ZNF254: variants seen among roughly 807,000 people sequenced by gnomAD.
ZNF254 encodes CTD-2017D11.1.
In ZNF254, 10 loss-of-function variants were observed where a neutral mutation model predicts 12.4. That is an observed-to-expected ratio of 0.80 (90% CI 0.50 to 1.36). The LOEUF is 1.36. ZNF254 is among the 40% of genes most tolerant of loss of function. The pLI is 0.00. For missense variants in ZNF254, 996 were observed against 763.9 expected (o/e 1.30, Z -3.58); for synonymous variants, 305 against 253.4 (o/e 1.20, Z -1.93).
rs765508391 is a variant in ZNF254 at position 24,127,354 on chromosome 19, CAT to C, written c.1356_1357del (p.His452GlnfsTer6). ...TATCTGGTCCTCAACCCTTACTAAA[CAT>C]AAGAGAATTCATACTAGAGAGAAAC... ...AFIWSSTLTK[H>X]KRIHTREKPY... On this transcript the variant is annotated frameshift_variant, in exon 4 of 4. Coordinates refer to ENST00000357002, the MANE Select transcript of ZNF254 (RefSeq NM_203282.4). LOFTEE classifies it low-confidence loss of function (END_TRUNC). 2 of 1,613,550 alleles carry C rather than the reference CAT, an allele frequency of 1.2e-6. No individual in the cohort carries two copies. The highest frequency in any genetic ancestry group is 2.2e-5 in the South Asian group (2 of 91,068).
At chr19:24,079,189 A>G (rs1415095621) in intron 2 of ZNF254, 1 of 152,212 alleles carries the variant, frequency 6.6e-6, no homozygotes, top group East Asian at 1.9e-4. Context: ...TGAGAGAAAT[A>G]GAAGAAAAAG....
chr19:24,046,571 C>A (rs1410171442), intron 2 of ZNF254, among the ~76,000 whole-genome samples: 1 of 151,782 alleles, frequency 6.6e-6, no homozygotes, highest in Non-Finnish European at 1.5e-5. Flanking sequence ...GCCATACACA[C>A]AATTCAAAAT....
At chr19:24,084,125 T>C (rs1971943145), upstream of ZNF254, among the ~76,000 whole-genome samples, 1 of 148,620 alleles carries the variant, frequency 6.7e-6, no homozygotes, top group South Asian at 2.1e-4. Flanking sequence ...AAGGAAAATG[T>C]GGCATATACC....
intron 1 of ZNF254, among the ~76,000 whole-genome samples, chr19:24,087,655 G>A (rs1040958472): frequency 4.6e-5 from 7 of 152,244 alleles, no homozygotes; most frequent in Non-Finnish European, 1.0e-4. Context: ...CTCGGGTTGC[G>A]GGTTCATGAA....
At chr19:24,072,250 C>G (rs1034050763) in intron 2 of ZNF254, among the ~76,000 whole-genome samples, 2 of 151,900 alleles carry the variant, frequency 1.3e-5, no homozygotes, top group Admixed American at 6.6e-5. Context: ...CGGCTCACTG[C>G]AACAGCCACC....
intron 1 of ZNF254, among the ~76,000 whole-genome samples, chr19:24,095,121 G>A (rs1300707520): frequency 2.0e-5 from 3 of 152,180 alleles, no homozygotes; most frequent in Admixed American, 6.5e-5. Context: ...TTTATCAAAA[G>A]CTTTTTCTGC....
chr19:24,093,738 G>C (rs536369606), intron 1 of ZNF254, among the ~76,000 whole-genome samples: 2 of 151,996 alleles, frequency 1.3e-5, no homozygotes, highest in South Asian at 4.2e-4. Context: ...CAGCTTTGCT[G>C]TTTTTGCTTG....
At chr19:24,038,797 C>T (rs1012325353) in intron 1 of ZNF254, among the ~76,000 whole-genome samples, 5 of 152,154 alleles carry the variant, frequency 3.3e-5, no homozygotes, top group South Asian at 2.1e-4. Flanking sequence ...CAGATTTCTA[C>T]GAAAATTACT....
chr19:24,055,045 T>A (rs112892589), intron 2 of ZNF254, among the ~76,000 whole-genome samples: 22,244 of 150,588 alleles, frequency 0.15, 1,873 homozygotes, highest in Middle Eastern at 0.23. Flanking sequence ...TACTAAAAAA[T>A]ACAAAAAATT....
intron 3 of ZNF254, among the ~76,000 whole-genome samples, chr19:24,117,986 T>TA (rs1974217287): frequency 6.6e-6 from 1 of 152,056 alleles, no homozygotes; most frequent in Non-Finnish European, 1.5e-5. Flanking sequence ...AGTACATTTA[T>TA]AACATAATAA....
intron 2 of ZNF254, among the ~76,000 whole-genome samples, chr19:24,062,127 T>G (rs1367707534): frequency 6.7e-6 from 1 of 150,136 alleles, no homozygotes; most frequent in Non-Finnish European, 1.5e-5. Context: ...AGTAAAATCC[T>G]GGTGGTCTCT....
rs1972077228 is a variant in ZNF254, at chr19:24,087,236, T to A, written c.-72T>A. 6.2e-7 allele frequency: 1 copy of A among 1,603,956 alleles called. No individual in the cohort carries two copies. The highest frequency in any genetic ancestry group is 1.3e-5 in the African/African-American group (1 of 74,812). On this transcript the variant is annotated 5_prime_UTR_variant, in exon 1 of 4. Coordinates refer to ENST00000357002, the MANE Select transcript of ZNF254 (RefSeq NM_203282.4). ...AGTCCCAGGTCTGTCTTCACTGCTC[T>A]GTGTCCTCTGCTCCTAGAGGCCCAG...
upstream of ZNF254, among the ~76,000 whole-genome samples, chr19:24,082,244 G>A (rs1049650190): frequency 2.6e-5 from 4 of 151,810 alleles, no homozygotes; most frequent in African/African-American, 9.7e-5. Flanking sequence ...TGTAACTATG[G>A]TAAATGTGTT....
intron 1 of ZNF254, among the ~76,000 whole-genome samples, chr19:24,091,275 T>A (rs1972363324): frequency 1.3e-5 from 2 of 149,218 alleles, no homozygotes; most frequent in Non-Finnish European, 3.0e-5. Context: ...CAGAATTCCA[T>A]CTAGCTTTTA....
At position 24,128,105 on chromosome 19, in the gene ZNF254, A is replaced by G. The variant is rs1975028189; in HGVS notation, c.*125A>G. On this transcript the variant is annotated 3_prime_UTR_variant, in exon 4 of 4. Transcript: ENST00000357002. ...TGACAGTACCTAAAACTTTAAAGAAAATCATTCTGCTGAAAAATCCTAGAA... is the reference window on the plus strand; with the variant it reads ...TGACAGTACCTAAAACTTTAAAGAAGATCATTCTGCTGAAAAATCCTAGAA... The G allele has an allele frequency of 1.0e-6, 1 of 977,528 alleles. No individual in the cohort carries two copies. The highest frequency in any genetic ancestry group is 2.8e-5 in the East Asian group (1 of 35,662). 60.6% of individuals were successfully genotyped at this position (977,528 alleles called of 1,614,324 possible). A position where few individuals can be genotyped will look rare whatever the true frequency, so the allele number is the denominator to read the frequency against.
chr19:24,110,099 C>A (rs184567590), intron 3 of ZNF254, among the ~76,000 whole-genome samples: 3 of 152,042 alleles, frequency 2.0e-5, no homozygotes, highest in African/African-American at 7.2e-5. Flanking sequence ...TTATTTTCAC[C>A]ATGTGTTTAA....
intron 1 of ZNF254, among the ~76,000 whole-genome samples, chr19:24,036,347 G>A (rs1599559958): frequency 1.3e-5 from 2 of 152,126 alleles, no homozygotes; most frequent in East Asian, 1.9e-4. Flanking sequence ...GTGAGCCACC[G>A]CGCCTGGCTG....
intron 3 of ZNF254, among the ~76,000 whole-genome samples, chr19:24,116,240 C>G (rs1974064884): frequency 6.6e-6 from 1 of 152,096 alleles, no homozygotes; most frequent in Non-Finnish European, 1.5e-5. Flanking sequence ...TGAATGTTGG[C>G]CTGCCTTGCT....
chr19:24,073,986 G>T (rs1227769875), intron 2 of ZNF254, among the ~76,000 whole-genome samples: 1 of 152,180 alleles, frequency 6.6e-6, no homozygotes, highest in African/African-American at 2.4e-5. Flanking sequence ...CACATCACTA[G>T]ACCCAACACC....
Sources: gnomAD v4.1 joint callset for allele counts (sites outside exome capture counted in the v4.1 genomes callset) on GRCh38, gnomAD v4.1.1 for gene constraint, MANE v1.5 for transcripts, NCBI Gene and HGNC (gene_info 2026-07-23, HGNC 2026-07-21) for gene names.